Variants in PTPRZ1 observed in about 807,000 individuals in gnomAD.
PTPRZ1 encodes the protein protein tyrosine phosphatase receptor type Z1.
In PTPRZ1, 82 loss-of-function variants were observed where a neutral mutation model predicts 214.1. The observed-to-expected ratio is 0.38, with a 90% CI of 0.32 to 0.46. The LOEUF (loss-of-function observed/expected upper bound fraction) is 0.46. Among genes scored for constraint, PTPRZ1 ranks in the 20% least tolerant of loss-of-function variants. PTPRZ1 has a pLI of 1.00. For missense variants in PTPRZ1, 2,603 were observed against 2,748.7 expected (o/e 0.95, Z 1.19); for synonymous variants, 945 against 987.9 (o/e 0.96, Z 0.81).
chr7:121,925,047 T>A (rs1197961002), intron 1 of PTPRZ1, among the ~76,000 whole-genome samples: 1 of 152,214 alleles, frequency 6.6e-6, no homozygotes, highest in East Asian at 1.9e-4. Flanking sequence ...CTCAGGATTC[T>A]TAGGAATCGT....
At chr7:121,949,665 G>A (rs1796495724) in intron 2 of PTPRZ1, among the ~76,000 whole-genome samples, 1 of 152,118 alleles carries the variant, frequency 6.6e-6, no homozygotes, top group South Asian at 2.1e-4. Flanking sequence ...AGCACAGTTT[G>A]GCTTTATACA....
chr7:121,889,469 TC>T (rs1248263974), intron 1 of PTPRZ1, among the ~76,000 whole-genome samples: 1 of 152,198 alleles, frequency 6.6e-6, no homozygotes, highest in African/African-American at 2.4e-5. Flanking sequence ...TTATATCCAT[TC>T]ATAATTGAAA....
At chr7:121,878,584 T>A (rs188745316) in intron 1 of PTPRZ1, among the ~76,000 whole-genome samples, 1 of 152,302 alleles carries the variant, frequency 6.6e-6, no homozygotes, top group East Asian at 1.9e-4. Flanking sequence ...TGGACTGAGG[T>A]TGAACAGAAG....
intron 2 of PTPRZ1, among the ~76,000 whole-genome samples, chr7:121,939,380 T>C (rs1351333436): frequency 6.6e-6 from 1 of 152,212 alleles, no homozygotes; most frequent in Admixed American, 6.5e-5. Context: ...CCAAAATATA[T>C]TACCTCTAAA....
intron 11 of PTPRZ1, among the ~76,000 whole-genome samples, chr7:122,004,906 G>GA (rs1798438982): frequency 6.6e-6 from 1 of 151,508 alleles, no homozygotes; most frequent in Admixed American, 6.6e-5. Flanking sequence ...TGGTGATGAA[G>GA]AAAAAAACAA....
chr7:121,896,648 C>G (rs1039961545), intron 1 of PTPRZ1, among the ~76,000 whole-genome samples: 1 of 152,050 alleles, frequency 6.6e-6, no homozygotes, highest in Admixed American at 6.6e-5. Context: ...TGGTGGGTGC[C>G]TGTAGTCCCA....
At chr7:122,025,107 A>T (rs1799168919) in intron 13 of PTPRZ1, among the ~76,000 whole-genome samples, 1 of 152,158 alleles carries the variant, frequency 6.6e-6, no homozygotes, top group South Asian at 2.1e-4. Context: ...TACTCCTGGC[A>T]CAGTATTAAG....
intron 3 of PTPRZ1, among the ~76,000 whole-genome samples, chr7:121,972,292 G>T (rs942609944): frequency 7.2e-5 from 11 of 152,198 alleles, no homozygotes; most frequent in Admixed American, 1.3e-4. Flanking sequence ...AGAGCAGGTG[G>T]ACTGGCTGTC....
intron 17 of PTPRZ1, among the ~76,000 whole-genome samples, chr7:122,035,616 A>G (rs1166147442): frequency 6.6e-6 from 1 of 152,182 alleles, no homozygotes; most frequent in East Asian, 1.9e-4. Context: ...ATTAAAACCA[A>G]ACTACAAAAA....
chr7:121,914,159 G>A (rs1027781814), intron 1 of PTPRZ1, among the ~76,000 whole-genome samples: 2 of 152,014 alleles, frequency 1.3e-5, no homozygotes, highest in African/African-American at 2.4e-5. Flanking sequence ...AAATAAATAT[G>A]TAAAAGAAAG....
At chr7:121,891,451 C>CTTTTTTTTTTTTTTTTTTTTTTT (rs58135453) in intron 1 of PTPRZ1, among the ~76,000 whole-genome samples, 20 of 35,754 alleles carry the variant, frequency 5.6e-4, no homozygotes, top group African/African-American at 1.0e-3. Context: ...AAAACAACCT[C>CTTTTTTTTTTTTTTTTTTTTTTT]TTTTTTTTTT....
At chr7:121,975,665 C>G (rs919028811) in intron 4 of PTPRZ1, among the ~76,000 whole-genome samples, 4 of 152,220 alleles carry the variant, frequency 2.6e-5, no homozygotes, top group East Asian at 1.9e-4. Context: ...CAGAGAGATA[C>G]ATATATGGAC....
intron 1 of PTPRZ1, among the ~76,000 whole-genome samples, chr7:121,906,130 G>T (rs1795108350): frequency 6.6e-6 from 1 of 152,054 alleles, no homozygotes; most frequent in Admixed American, 6.6e-5. Flanking sequence ...GGAATCTCTG[G>T]TCTTAGAACT....
chr7:121,985,775 C>G (rs1797748522), intron 8 of PTPRZ1, among the ~76,000 whole-genome samples: 1 of 152,224 alleles, frequency 6.6e-6, no homozygotes, highest in African/African-American at 2.4e-5. Flanking sequence ...GTAAATGGTG[C>G]TCCTCTGGAG....
In PTPRZ1 at chr7:122,028,552, G is replaced by A; in HGVS notation, c.4989G>A (p.Arg1663=). The A allele has an allele frequency of 6.5e-7, 1 of 1,529,610 alleles. No individual in the cohort carries two copies. Among genetic ancestry groups the A allele is most frequent in the African/African-American group, 1.4e-5 (1 of 72,898 alleles). 94.8% of individuals were successfully genotyped at this position (1,529,610 alleles called of 1,614,324 possible). A position where few individuals can be genotyped will look rare whatever the true frequency, so the allele number is the denominator to read the frequency against. Residue 1663 remains arginine, a splice_region_variant and synonymous_variant, in exon 14 of 30, where the codon AGG becomes AGA. Transcript: ENST00000393386. Reference sequence around the variant, plus strand: ...ATAAATTGTGTTCTTTTATTTCCAGGAAATGCTTCCAGACTGCACACTTTT... The same window carrying A: ...ATAAATTGTGTTCTTTTATTTCCAGAAAATGCTTCCAGACTGCACACTTTT... The part of the protein sequence containing the change: ...VVLVGILIYW[R]KCFQTAHFYL...
intron 2 of PTPRZ1, among the ~76,000 whole-genome samples, chr7:121,951,981 C>CG (rs1287432773): frequency 1.4e-5 from 2 of 145,444 alleles, no homozygotes; most frequent in African/African-American, 5.1e-5. Flanking sequence ...TTTTTTGAGA[C>CG]GGAGTCTCGC....
rs371032875 is a variant in PTPRZ1, at chr7:122,039,534, G to A, written c.5583G>A (p.Val1861=). 1 of 1,613,916 alleles carries A rather than the reference G, an allele frequency of 6.2e-7. No individual in the cohort carries two copies. The highest frequency in any genetic ancestry group is 8.5e-7 in the Non-Finnish European group (1 of 1,179,948). The change falls in exon 20 of 30, where the codon GTG becomes GTA. Residue 1861 remains valine (V), a synonymous_variant. Coordinates refer to ENST00000393386, the MANE Select transcript of PTPRZ1 (RefSeq NM_002851.3). Reference sequence around the variant, plus strand: ...TGGTCACTCAGAAGAGTGTGCAAGTGCTTGCCTATTATACTGTGAGGAATT... The same window carrying A: ...TGGTCACTCAGAAGAGTGTGCAAGTACTTGCCTATTATACTGTGAGGAATT... The part of the protein sequence containing the change: ...NFLVTQKSVQ[V]LAYYTVRNFT...
chr7:122,054,138 T>C lies in PTPRZ1; in HGVS notation c.6381+100T>C, dbSNP rs1020101129. 10 of 1,365,270 alleles carry C rather than the reference T, an allele frequency of 7.3e-6. No individual in the cohort carries two copies. The African/African-American group carries it at 1.5e-4, about 20-fold the overall frequency. 84.6% of individuals were successfully genotyped at this position (1,365,270 alleles called of 1,614,324 possible). On this transcript the variant is annotated intron_variant, in intron 26 of 29. Coordinates refer to ENST00000393386, the MANE Select transcript of PTPRZ1 (RefSeq NM_002851.3). ...TACAAACAAGCAAAGTAATTTTGTT[T>C]TCAACTAATAAACTAATGTCATTGA...
chr7:121,927,961 T>C (rs1795812886), intron 1 of PTPRZ1, among the ~76,000 whole-genome samples, 195 bp from the exon 2 acceptor site: 1 of 152,128 alleles, frequency 6.6e-6, no homozygotes. Context: ...CCCTCTAAAA[T>C]TTGCACTAGC....
Sources: gnomAD v4.1 joint callset for allele counts (sites outside exome capture counted in the v4.1 genomes callset) on GRCh38, gnomAD v4.1.1 for gene constraint, MANE v1.5 for transcripts, NCBI Gene and HGNC (gene_info 2026-07-23, HGNC 2026-07-21) for gene names.